ITGA4: variants seen among roughly 807,000 people sequenced by gnomAD.
ITGA4 encodes integrin alpha-4.
ITGA4 carries 63 observed loss-of-function variants against 133.6 expected under a neutral mutation model. The ratio of observed to expected loss-of-function variants is 0.47; its 90% CI spans 0.38 to 0.58. The LOEUF is 0.58. Ranked by LOEUF, ITGA4 falls within the 20% of genes least tolerant of loss-of-function variation. The pLI, the probability that ITGA4 is intolerant of heterozygous loss-of-function variation, is 0.00. For synonymous variants in ITGA4, 483 were observed against 438.0 expected (o/e 1.10, Z -1.28); for missense variants, 1,076 against 1,252.7 (o/e 0.86, Z 2.13).
chr2:181,513,462 A>G (rs1167635792), intron 17 of ITGA4, among the ~76,000 whole-genome samples: 11 of 151,990 alleles, frequency 7.2e-5, no homozygotes, highest in African/African-American at 2.2e-4. Context: ...AAGTACTACA[A>G]TACTACCACC....
chr2:181,534,430 C>G, intron 26 of ITGA4, 60 bp downstream of exon 26: 1 of 992,688 alleles, frequency 1.0e-6, no homozygotes, highest in South Asian at 1.4e-5. Context: ...TCAAGGGTGT[C>G]TATAATTACT....
intron 9 of ITGA4, among the ~76,000 whole-genome samples, chr2:181,484,842 C>T (rs753785610): frequency 2.6e-5 from 4 of 152,078 alleles, no homozygotes; most frequent in Non-Finnish European, 5.9e-5. Flanking sequence ...TTGAGAAAGA[C>T]AAAAATCAGA....
intron 5 of ITGA4, 84 bp from the exon 6 acceptor site, chr2:181,480,053 G>T: frequency 2.4e-6 from 2 of 842,288 alleles, no homozygotes; most frequent in Non-Finnish European, 1.7e-6. Context: ...ATAAAAATAT[G>T]TTCTCTTCAC....
chr2:181,512,823 AAGG>A (rs1358996105), intron 17 of ITGA4, among the ~76,000 whole-genome samples: 1 of 152,100 alleles, frequency 6.6e-6, no homozygotes, highest in Non-Finnish European at 1.5e-5. Flanking sequence ...TGATTAAAGA[AAGG>A]AGAGTATACT....
Position 181,536,797 on chromosome 2 carries a change from T to TATGATCTAGATA in ITGA4, c.*1273_*1284dup, listed in dbSNP as rs1267383755. On this transcript the variant is annotated 3_prime_UTR_variant, in exon 28 of 28. Coordinates refer to ENST00000397033, the MANE Select transcript of ITGA4 (RefSeq NM_000885.6). ...ATTTTTGTAATATTTATTTTATGCT[T>TATGATCTAGATA]ATGATCTAGATAATTGCAGAATATC... is the stretch of plus-strand genomic sequence containing the variant. 3.7e-6 allele frequency: 1 copy of TATGATCTAGATA among 271,018 alleles called. No homozygotes were observed. The highest frequency in any genetic ancestry group is 7.4e-6 in the Non-Finnish European group (1 of 135,980). The allele number at this position is 271,018 out of a possible 1,614,324, so 16.8% of individuals were successfully genotyped here. A position where few individuals can be genotyped will look rare whatever the true frequency, so the allele number is the denominator to read the frequency against.
Position 181,457,398 on chromosome 2 carries a change from G to T in ITGA4, c.-257G>T. On this transcript the variant is annotated 5_prime_UTR_variant, in exon 1 of 28. Transcript: ENST00000397033. ...GCCCGTACCCGGAGAAGCAGCGCGA[G>T]CACCCGAAGCTCCCGGCTGGCGGCA... The T allele has an allele frequency of 2.3e-6, 1 of 439,268 alleles. No homozygotes were observed. The highest frequency in any genetic ancestry group is 2.7e-5 in the South Asian group (1 of 36,836). The allele number at this position is 439,268 out of a possible 1,614,324, so 27.2% of individuals were successfully genotyped here.
rs761581540 is a variant in ITGA4, at chr2:181,458,181, C to T, written c.198-15C>T. ...CAGCTCACGTCTGAGCGCACGTGCACGTGTCTCGCTTTAGGCTCCTAGTGG... is the reference window on the plus strand; with the variant it reads ...CAGCTCACGTCTGAGCGCACGTGCATGTGTCTCGCTTTAGGCTCCTAGTGG... On this transcript the variant is annotated splice_polypyrimidine_tract_variant and intron_variant, in intron 1 of 27. Coordinates refer to ENST00000397033, the MANE Select transcript of ITGA4 (RefSeq NM_000885.6). The T allele has an allele frequency of 1.9e-6, 3 of 1,613,892 alleles. No individual in the cohort carries two copies. The highest frequency in any genetic ancestry group is 2.7e-5 in the African/African-American group (2 of 74,920).
intron 10 of ITGA4, among the ~76,000 whole-genome samples, chr2:181,487,474 T>C (rs1685947910): frequency 6.6e-6 from 1 of 152,208 alleles, no homozygotes; most frequent in African/African-American, 2.4e-5. Flanking sequence ...TTTGTATAAA[T>C]TCAGGTCAGC....
intron 10 of ITGA4, among the ~76,000 whole-genome samples, chr2:181,486,840 GTCT>G (rs1685931413): frequency 1.3e-5 from 2 of 152,082 alleles, no homozygotes; most frequent in Non-Finnish European, 2.9e-5. Flanking sequence ...GTTCATAATT[GTCT>G]TCTTGATAAG....
chr2:181,486,594 T>C (rs1439637996), intron 10 of ITGA4, among the ~76,000 whole-genome samples: 1 of 152,206 alleles, frequency 6.6e-6, no homozygotes, highest in East Asian at 1.9e-4. Context: ...ACGTTTTTTA[T>C]TAATTGAATA....
At chr2:181,526,990 C>T (rs2105768850) in intron 21 of ITGA4, among the ~76,000 whole-genome samples, 1 of 151,668 alleles carries the variant, frequency 6.6e-6, no homozygotes, top group Non-Finnish European at 1.5e-5. Flanking sequence ...CGCCACCACG[C>T]CCAGCTAATT....
At position 181,535,892 on chromosome 2, in the gene ITGA4, G is replaced by C. The variant is rs1687065087; in HGVS notation, c.*365G>C. The C allele has an allele frequency of 6.5e-6, 1 of 154,852 alleles. No individual in the cohort carries two copies. Among genetic ancestry groups the C allele is most frequent in the South Asian group, 2.0e-4 (1 of 4,950 alleles). 9.6% of individuals were successfully genotyped at this position (154,852 alleles called of 1,614,324 possible). A position where few individuals can be genotyped will look rare whatever the true frequency, so the allele number is the denominator to read the frequency against. ...GAAATACTACTTACCATATGTGCTT[G>C]CCTCAGTAAAATGAACCCCACTGGG... On this transcript the variant is annotated 3_prime_UTR_variant, in exon 28 of 28. Transcript: ENST00000397033.
intron 9 of ITGA4, among the ~76,000 whole-genome samples, chr2:181,483,705 G>A (rs1455901163): frequency 6.6e-6 from 1 of 152,124 alleles, no homozygotes; most frequent in East Asian, 1.9e-4. Flanking sequence ...TATCTACACA[G>A]TGATCATTAA....
At chr2:181,482,942 T>C (rs1290348057) in intron 9 of ITGA4, among the ~76,000 whole-genome samples, 4 of 152,148 alleles carry the variant, frequency 2.6e-5, no homozygotes, top group Non-Finnish European at 4.4e-5. Context: ...TTTATGTTGA[T>C]ACTAATCTAA....
In ITGA4 at chr2:181,538,123, T is replaced by C. The variant is rs780346141; in HGVS notation, c.*2596T>C. On this transcript the variant is annotated 3_prime_UTR_variant, in exon 28 of 28. Coordinates refer to ENST00000397033, the MANE Select transcript of ITGA4 (RefSeq NM_000885.6). ...GGGTGGGGACCACAGGTTTAAAGCATGGCCACATTTCTTTATATTAAAATT... is the reference window on the plus strand; with the variant it reads ...GGGTGGGGACCACAGGTTTAAAGCACGGCCACATTTCTTTATATTAAAATT... The C allele has an allele frequency of 4.3e-6, 5 of 1,174,374 alleles. No homozygotes were observed. The South Asian group carries it at 6.2e-5, about 15-fold the overall frequency. 72.7% of individuals were successfully genotyped at this position (1,174,374 alleles called of 1,614,324 possible). A position where few individuals can be genotyped will look rare whatever the true frequency, so the allele number is the denominator to read the frequency against.
intron 1 of ITGA4, 62 bp downstream of exon 1, chr2:181,457,913 G>A: frequency 6.9e-7 from 1 of 1,440,392 alleles, no homozygotes; most frequent in Non-Finnish European, 9.4e-7. Context: ...TGGCGCCCTA[G>A]GGATTCCCTG....
At chr2:181,475,439 C>A in intron 4 of ITGA4, 151 bp downstream of exon 4, 2 of 663,962 alleles carry the variant, frequency 3.0e-6, no homozygotes, top group East Asian at 2.7e-5. Context: ...CTTTCTTTAC[C>A]CAATTGCAAT....
chr2:181,535,564 C>T lies in ITGA4; in HGVS notation c.*37C>T. On this transcript the variant is annotated 3_prime_UTR_variant, in exon 28 of 28. Coordinates refer to ENST00000397033, the MANE Select transcript of ITGA4 (RefSeq NM_000885.6). ...AAATTGAGAGAATGGAAAACAGACT[C>T]AGGTTGTAGTAAAGAAATTTAAAAG... is the stretch of plus-strand genomic sequence containing the variant. 6.4e-7 allele frequency: 1 copy of T among 1,556,878 alleles called. No individual in the cohort carries two copies. Among genetic ancestry groups the T allele is most frequent in the Non-Finnish European group, 8.7e-7 (1 of 1,154,710 alleles).
intron 14 of ITGA4, among the ~76,000 whole-genome samples, chr2:181,496,976 A>G (rs945486945): frequency 6.6e-6 from 1 of 152,180 alleles, no homozygotes. Flanking sequence ...AAGGTACACA[A>G]TGAGCCTGGC....
Sources: allele counts gnomAD v4.1 joint callset (sites outside exome capture counted in the v4.1 genomes callset), GRCh38; gene constraint gnomAD v4.1.1; transcripts MANE v1.5; gene names NCBI Gene and HGNC (gene_info 2026-07-23, HGNC 2026-07-21).